The following THSD7A variants were observed in gnomAD, a reference collection of about 807,000 sequenced individuals.
THSD7A encodes the protein thrombospondin type-1 domain-containing protein 7A.
Under a neutral mutation model 231.3 loss-of-function variants are expected in THSD7A, and 96 were observed. The ratio of observed to expected loss-of-function variants is 0.41; its 90% CI spans 0.35 to 0.49. The LOEUF (loss-of-function observed/expected upper bound fraction) is 0.49, where lower values mean the gene tolerates loss of function less well. Ranked by LOEUF, THSD7A falls within the 20% of genes least tolerant of loss-of-function variation. THSD7A has a pLI of 0.05. For missense variants in THSD7A, 2,290 were observed against 2,070.2 expected (o/e 1.11, Z -2.06); for synonymous variants, 940 against 743.3 (o/e 1.26, Z -4.30).
chr7:11,631,684 A>T (rs1432210994), intron 2 of THSD7A, among the ~76,000 whole-genome samples: 1 of 152,192 alleles, frequency 6.6e-6, no homozygotes, highest in African/African-American at 2.4e-5. Context: ...AAAACAAACA[A>T]AAAATCCTTA....
intron 1 of THSD7A, among the ~76,000 whole-genome samples, chr7:11,654,942 T>A (rs2128370390): frequency 1.3e-5 from 2 of 152,062 alleles, no homozygotes; most frequent in South Asian, 2.1e-4. Flanking sequence ...AGTTGCATAT[T>A]GAAGGAAATT....
chr7:11,685,327 T>C (rs969931399), intron 1 of THSD7A, among the ~76,000 whole-genome samples: 5 of 151,876 alleles, frequency 3.3e-5, no homozygotes, highest in Admixed American at 3.3e-4. Flanking sequence ...AAAAAATTTA[T>C]GACTAAGTCC....
chr7:11,806,366 A>G (rs1784397356), intron 1 of THSD7A, among the ~76,000 whole-genome samples: 1 of 152,174 alleles, frequency 6.6e-6, no homozygotes, highest in African/African-American at 2.4e-5. Flanking sequence ...TCAATGTACA[A>G]AATAAAGAAC....
chr7:11,774,726 T>C (rs1294593603), intron 1 of THSD7A, among the ~76,000 whole-genome samples: 1 of 152,230 alleles, frequency 6.6e-6, no homozygotes, highest in Admixed American at 6.5e-5. Flanking sequence ...GCCTTTATGC[T>C]AGTATATTTC....
intron 11 of THSD7A, among the ~76,000 whole-genome samples, chr7:11,455,299 G>A (rs1785271575): frequency 6.6e-6 from 1 of 152,050 alleles, no homozygotes; most frequent in South Asian, 2.1e-4. Context: ...ATAGTGTTTT[G>A]TTATAGAAGC....
intron 1 of THSD7A, among the ~76,000 whole-genome samples, chr7:11,766,379 G>T (rs76531883): frequency 0.034 from 5,144 of 152,178 alleles, 314 homozygotes; most frequent in African/African-American, 0.12. Flanking sequence ...TTTGCAAAAT[G>T]TAGAAATCAA....
chr7:11,636,322 C>T lies in THSD7A; in HGVS notation c.830G>A (p.Arg277His), dbSNP rs543568226. 13 of 1,613,918 alleles carry T rather than the reference C, an allele frequency of 8.1e-6. No homozygotes were observed. In the South Asian group the frequency reaches 9.9e-5, roughly 12 times the overall value. The stretch of plus-strand genomic sequence containing the variant: ...CTTTTCCCGTTCTTTATTCTTCCCG[C>T]GTCTCCTTGCTTGTCTTACTTGTCG... ...HSRQVRQARR[R>H]GKNKEREKDR... is the part of the protein sequence containing the mutation. The change falls in exon 2 of 28, where the codon CGC (arginine) becomes CAC (histidine). Residue 277 changes from arginine (R) to histidine (H), a missense_variant. Arg to His is a conservative substitution (Grantham distance 29). Transcript: ENST00000423059. The surrounding 1 kb of genome is among the most constrained non-coding windows in gnomAD (Gnocchi z 10.0).
At chr7:11,604,004 T>G (rs1310439813) in intron 2 of THSD7A, among the ~76,000 whole-genome samples, 1 of 151,028 alleles carries the variant, frequency 6.6e-6, no homozygotes, top group Non-Finnish European at 1.5e-5. Flanking sequence ...AATGTGCACA[T>G]GTACCCTAAA....
At chr7:11,661,705 G>A (rs899738833) in intron 1 of THSD7A, among the ~76,000 whole-genome samples, 40 of 150,652 alleles carry the variant, frequency 2.7e-4, no homozygotes, top group African/African-American at 9.2e-4. Flanking sequence ...GAATTAAGAA[G>A]AAAAAAGAGA....
intron 1 of THSD7A, among the ~76,000 whole-genome samples, chr7:11,754,957 A>G (rs1001491929): frequency 6.6e-6 from 1 of 152,098 alleles, no homozygotes; most frequent in African/African-American, 2.4e-5. Context: ...TTGAGTAAAA[A>G]AAAGTTTATT....
intron 1 of THSD7A, among the ~76,000 whole-genome samples, chr7:11,667,970 C>A (rs1005209656): frequency 6.6e-5 from 10 of 152,088 alleles, no homozygotes; most frequent in African/African-American, 2.4e-4. Context: ...CTTTAGAGAC[C>A]ATTGAACTCA....
chr7:11,521,052 T>C (rs770389430), intron 6 of THSD7A, among the ~76,000 whole-genome samples: 2 of 152,216 alleles, frequency 1.3e-5, no homozygotes, highest in Non-Finnish European at 2.9e-5. Flanking sequence ...TTAAAATGTA[T>C]GTGCTTTTAT....
rs765930178 is a variant in THSD7A, at chr7:11,424,777, G to A, written c.3302C>T (p.Thr1101Ile). The stretch of plus-strand genomic sequence containing the variant: ...CACCTTGCAGATGCTCCAGGGCTCT[G>A]TGACCCATAGGTACTGGTTGCAGTC... Reference protein sequence around the residue: ...HSDCNQYLWVTEPWSICKVTF... With the variant: ...HSDCNQYLWVIEPWSICKVTF... The change falls in exon 16 of 28, where the codon ACA becomes ATA. Residue 1101 changes from threonine (T) to isoleucine (I), a missense_variant. Thr to Ile is a moderately conservative substitution (Grantham distance 89). Coordinates refer to ENST00000423059, the MANE Select transcript of THSD7A (RefSeq NM_015204.3). The A allele has an allele frequency of 5.0e-6, 8 of 1,613,872 alleles. No homozygotes were observed. The African/African-American group carries it at 1.1e-4, about 22-fold the overall frequency.
Position 11,593,522 on chromosome 7 carries a change from T to C in THSD7A, c.1023-20A>G. Reference sequence around the variant, plus strand: ...CAAAAGCTGTAAAAGAGCATTGATATTCTCATTACAGACTCACAGGCAGTT... The same window carrying C: ...CAAAAGCTGTAAAAGAGCATTGATACTCTCATTACAGACTCACAGGCAGTT... On this transcript the variant is annotated intron_variant, in intron 2 of 27. Transcript: ENST00000423059. 1.9e-6 allele frequency: 3 copies of C among 1,610,460 alleles called. No homozygotes were observed. Among genetic ancestry groups the C allele is most frequent in the South Asian group, 1.1e-5 (1 of 90,930 alleles).
At chr7:11,801,507 A>G (rs2128181536) in intron 1 of THSD7A, among the ~76,000 whole-genome samples, 1 of 152,266 alleles carries the variant, frequency 6.6e-6, no homozygotes, top group East Asian at 1.9e-4. Flanking sequence ...CAAAATTTTA[A>G]CCCTGGTGCA....
chr7:11,630,356 A>G (rs1424783692), intron 2 of THSD7A, among the ~76,000 whole-genome samples: 1 of 152,232 alleles, frequency 6.6e-6, no homozygotes, highest in African/African-American at 2.4e-5. Flanking sequence ...AGTATTATTC[A>G]TTACTCTCTG....
intron 1 of THSD7A, among the ~76,000 whole-genome samples, chr7:11,743,520 G>A (rs1400694728): frequency 6.6e-6 from 1 of 151,688 alleles, no homozygotes; most frequent in Non-Finnish European, 1.5e-5. Context: ...ACGCATTCTG[G>A]TTTCAGATTT....
In THSD7A at chr7:11,826,437, G is replaced by A. The variant is rs573987639; in HGVS notation, c.190+5320C>T. Among the ~76,000 whole-genome samples the A allele has an allele frequency of 4.6e-5, 7 of 152,172 alleles. No homozygotes were observed. The South Asian group carries it at 1.2e-3, about 27-fold the overall frequency. On this transcript the variant is annotated intron_variant, in intron 1 of 27. Transcript: ENST00000423059. The stretch of plus-strand genomic sequence containing the variant: ...TTGTCTGATTAATGCTAAGTCAGTC[G>A]CGTTTTGCTCAATTCATTGACACTC...
At chr7:11,780,056 G>A (rs1360525708) in intron 1 of THSD7A, among the ~76,000 whole-genome samples, 1 of 152,198 alleles carries the variant, frequency 6.6e-6, no homozygotes, top group African/African-American at 2.4e-5. Flanking sequence ...TCAAGATCAA[G>A]GAGACTGCAG....
Sources: allele counts gnomAD v4.1 joint callset (sites outside exome capture counted in the v4.1 genomes callset), GRCh38; gene constraint gnomAD v4.1.1; non-coding constraint Gnocchi (gnomAD v3.1); transcripts MANE v1.5; gene names NCBI Gene and HGNC (gene_info 2026-07-23, HGNC 2026-07-21).